The following EPRS1 variants were observed in gnomAD, a reference collection of about 807,000 sequenced individuals.
The protein encoded by EPRS1 is glutamyl-prolyl-tRNA synthetase 1, also known as bifunctional glutamate/proline--tRNA ligase.
EPRS1 carries 107 observed loss-of-function variants against 188.3 expected under a neutral mutation model. The observed-to-expected ratio is 0.57, with a 90% CI of 0.49 to 0.67. The LOEUF (loss-of-function observed/expected upper bound fraction) is 0.67. EPRS1 is among the 30% of genes least tolerant of loss of function. The pLI is 0.00. For synonymous variants in EPRS1, 596 were observed against 593.1 expected (o/e 1.00, Z -0.07); for missense variants, 1,577 against 1,802.2 (o/e 0.88, Z 2.26).
intron 1 of EPRS1, among the ~76,000 whole-genome samples, chr1:220,040,731 C>T (rs1174389915): frequency 2.6e-5 from 4 of 151,544 alleles, no homozygotes; most frequent in Non-Finnish European, 5.9e-5. Context: ...ATGCCTGTAA[C>T]CCCAGCTACT....
At chr1:219,980,915 T>C (rs1660883154) in intron 24 of EPRS1, 58 bp from the exon 25 acceptor site, 2 of 1,184,630 alleles carry the variant, frequency 1.7e-6, no homozygotes, top group African/African-American at 1.5e-5. Context: ...TTTTTTTTTT[T>C]TGGAGACAGG....
chr1:220,025,062 A>G, intron 7 of EPRS1, 70 bp downstream of exon 7: 1 of 1,412,562 alleles, frequency 7.1e-7, no homozygotes, highest in Non-Finnish European at 1.0e-6. Context: ...TCATACCATG[A>G]AGGTATTAGG....
At chr1:220,020,824 TTA>T (rs71169429) in intron 9 of EPRS1, among the ~76,000 whole-genome samples, 343 of 108,914 alleles carry the variant, frequency 3.1e-3, no homozygotes, top group South Asian at 4.2e-3. Context: ...CAATTTGAAT[TTA>T]TATATATATA....
intron 18 of EPRS1, among the ~76,000 whole-genome samples, chr1:219,995,074 G>A (rs1249647387): frequency 1.3e-5 from 2 of 152,270 alleles, no homozygotes; most frequent in African/African-American, 4.8e-5. Context: ...CACAGACATG[G>A]TATACAGTAG....
chr1:220,020,361 A>G (rs1661846282), intron 9 of EPRS1, 140 bp from the exon 10 acceptor site: 8 of 597,142 alleles, frequency 1.3e-5, no homozygotes, highest in Non-Finnish European at 2.9e-6. Flanking sequence ...TTTATGACTT[A>G]ATACTCAAAG....
In EPRS1 at chr1:219,980,837, A is replaced by G; in HGVS notation, c.3474T>C (p.Pro1158=). ...CNVVRWEFKH[P]QPFLRTREFL... ...ATTCACGAGTACGTAGGAAAGGCTG[A>G]GGATGCTTGAATTCCCAACGCTGGA... The change falls in exon 25 of 32, where the codon CCT becomes CCC. Residue 1158 remains proline, a synonymous_variant. Coordinates refer to ENST00000366923, the MANE Select transcript of EPRS1 (RefSeq NM_004446.3). 1 of 1,612,368 alleles carries G rather than the reference A, an allele frequency of 6.2e-7. No homozygotes were observed. The highest frequency in any genetic ancestry group is 8.5e-7 in the Non-Finnish European group (1 of 1,178,992).
chr1:220,013,430 C>A (rs1290425238), intron 12 of EPRS1, among the ~76,000 whole-genome samples: 1 of 152,054 alleles, frequency 6.6e-6, no homozygotes, highest in South Asian at 2.1e-4. Context: ...TTCTTTACCA[C>A]GTACAATTCA....
At chr1:219,997,410 C>G (rs1028024009) in intron 17 of EPRS1, 68 bp from the exon 18 acceptor site, 10 of 1,330,496 alleles carry the variant, frequency 7.5e-6, no homozygotes, top group Non-Finnish European at 1.0e-5. Context: ...AAAATTATTT[C>G]AAACTGATTG....
intron 20 of EPRS1, among the ~76,000 whole-genome samples, chr1:219,986,783 A>ATGTATGTGTGTG (rs113133677): frequency 6.7e-6 from 1 of 150,156 alleles, no homozygotes; most frequent in East Asian, 2.0e-4. Flanking sequence ...GAAAATATGT[A>ATGTATGTGTGTG]TGTGTGTGTG....
At chr1:220,009,437 C>G (rs1156574575) in intron 13 of EPRS1, among the ~76,000 whole-genome samples, 1 of 152,144 alleles carries the variant, frequency 6.6e-6, no homozygotes, top group Non-Finnish European at 1.5e-5. Context: ...TGAAATAAAA[C>G]AACTCTTTTA....
intron 5 of EPRS1, among the ~76,000 whole-genome samples, chr1:220,031,782 G>A (rs1480532567): frequency 6.6e-6 from 1 of 152,090 alleles, no homozygotes; most frequent in Non-Finnish European, 1.5e-5. Context: ...ATGCTCAATG[G>A]TTCAAAAACC....
At chr1:220,012,901 TG>T (rs1398323741) in intron 12 of EPRS1, among the ~76,000 whole-genome samples, 1 of 152,292 alleles carries the variant, frequency 6.6e-6, no homozygotes, top group African/African-American at 2.4e-5. Flanking sequence ...TTTTATTTAT[TG>T]GGGTTTAATT....
rs553154322 is a variant in EPRS1 at position 220,002,193 on chromosome 1, A to G, written c.2064-938T>C. 1.4e-3 allele frequency among the ~76,000 whole-genome samples: 205 copies of G among 149,848 alleles called. 2 individuals carry two copies. The highest frequency in any genetic ancestry group is 4.9e-3 in the African/African-American group (199 of 40,728). On this transcript the variant is annotated intron_variant, in intron 16 of 31. Transcript: ENST00000366923. ...AAAAAATACAAAAATTTAGCCAGGT[A>G]TGGTGGCGGGCGCCTGTAATCCCAG...
At chr1:220,044,238 T>G (rs1478335392) in intron 1 of EPRS1, among the ~76,000 whole-genome samples, 2 of 152,162 alleles carry the variant, frequency 1.3e-5, no homozygotes, top group South Asian at 4.1e-4. Flanking sequence ...AAAGATAAAA[T>G]GTAATTGAAT....
intron 13 of EPRS1, among the ~76,000 whole-genome samples, chr1:220,010,496 C>A (rs2102583152): frequency 6.6e-6 from 1 of 152,196 alleles, no homozygotes; most frequent in Non-Finnish European, 1.5e-5. Flanking sequence ...CGATTAGTAT[C>A]AAATCCTGAC....
At chr1:219,975,728 C>A (rs531347017) in intron 28 of EPRS1, among the ~76,000 whole-genome samples, 1 of 152,122 alleles carries the variant, frequency 6.6e-6, no homozygotes, top group Non-Finnish European at 1.5e-5. Context: ...TGAGCCACCA[C>A]GCCAGGTCCA....
rs1311624724 is a variant in EPRS1 at position 220,028,603 on chromosome 1, T to C, written c.623+1783A>G. Among the ~76,000 whole-genome samples, 3 of 152,192 alleles carry C rather than the reference T, an allele frequency of 2.0e-5. No homozygotes were observed. The South Asian group carries it at 6.2e-4, about 31-fold the overall frequency. On this transcript the variant is annotated intron_variant, in intron 6 of 31. Transcript: ENST00000366923. ...ATTCTAGAGCCAGATGGTAGAGGTT[T>C]GAGCTTGGCAAGTTACTACAACATA...
chr1:220,010,981 G>A lies in EPRS1; in HGVS notation c.1570C>T (p.Gln524Ter). 1 of 1,613,022 alleles carries A rather than the reference G, an allele frequency of 6.2e-7. No individual in the cohort carries two copies. The highest frequency in any genetic ancestry group is 8.5e-7 in the Non-Finnish European group (1 of 1,179,126). The change falls in exon 13 of 32, where the codon CAG becomes TAG. Residue 524 changes from glutamine (Q) to a stop codon, truncating the protein, a stop_gained. Transcript: ENST00000366923. LOFTEE classifies it high-confidence loss of function. ...TTGGCTACTTCTTTCATCTCCTCCT[G>A]AGCTTCAGGTACATTCACTGGGATC... ...EVIPVNVPEA[Q>*]EEMKEVAKHP...
chr1:220,005,444 C>T (rs1045285140), intron 15 of EPRS1, 84 bp from the exon 16 acceptor site: 2 of 649,418 alleles, frequency 3.1e-6, no homozygotes, highest in Admixed American at 6.0e-5. Context: ...TTTCCACTAA[C>T]TAAAATACTC....
Sources: gnomAD v4.1 joint callset for allele counts (sites outside exome capture counted in the v4.1 genomes callset) on GRCh38, gnomAD v4.1.1 for gene constraint, MANE v1.5 for transcripts, NCBI Gene and HGNC (gene_info 2026-07-23, HGNC 2026-07-21) for gene names.